Variants in ADK observed in about 807,000 individuals in gnomAD.
ADK encodes the protein N6,N6-dimethyladenosine kinase.
A neutral mutation model predicts 44.7 loss-of-function variants in ADK; 24 were observed. That is an observed-to-expected ratio of 0.54 (90% CI 0.39 to 0.76). The LOEUF is 0.76. Ranked by LOEUF, ADK falls within the 30% of genes least tolerant of loss-of-function variation. The pLI is 0.00. For missense variants in ADK, 321 were observed against 425.1 expected, an observed-to-expected ratio of 0.76 and a Z score of 2.15; for synonymous variants, 128 against 142.6, an observed-to-expected ratio of 0.90 and a Z score of 0.73.
At chr10:74,305,830 G>A (rs1840228575) in intron 3 of ADK, among the ~76,000 whole-genome samples, 1 of 152,078 alleles carries the variant, frequency 6.6e-6, no homozygotes, top group African/African-American at 2.4e-5. Context: ...GGACTGAAGT[G>A]ATCGTCCTGC....
At chr10:74,686,864 G>A (rs1363007191) in intron 10 of ADK, among the ~76,000 whole-genome samples, 1 of 151,884 alleles carries the variant, frequency 6.6e-6, no homozygotes, top group East Asian at 1.9e-4. Context: ...TTTTAGTAGA[G>A]ACAGGGTTTC....
chr10:74,274,712 G>A (rs1308928233), intron 3 of ADK, among the ~76,000 whole-genome samples: 1 of 102,508 alleles, frequency 9.8e-6, no homozygotes, highest in Non-Finnish European at 2.1e-5. Context: ...GTGATTAGTA[G>A]GAGAAAAATT....
chr10:74,411,902 A>G (rs953371030), intron 6 of ADK, among the ~76,000 whole-genome samples: 2 of 152,220 alleles, frequency 1.3e-5, no homozygotes, highest in Non-Finnish European at 2.9e-5. Context: ...CAGCATTCAT[A>G]GCGTGTTCAC....
intron 9 of ADK, among the ~76,000 whole-genome samples, chr10:74,616,874 CTT>C (rs1469202706): frequency 3.9e-5 from 6 of 151,972 alleles, no homozygotes; most frequent in Non-Finnish European, 8.8e-5. Context: ...TTTATGCAGT[CTT>C]TAATTTTTCT....
At position 74,655,005 on chromosome 10, in the gene ADK, G is replaced by A. The variant is rs753749751; in HGVS notation, c.878-15178G>A. On this transcript the variant is annotated intron_variant, in intron 9 of 10. Transcript: ENST00000539909. ...GAACCCAGCACTCTGCAAGGGCCCC[G>A]ACCCCTCCTGACTGGGGCCCAGGAG... 3.7e-5 allele frequency: 7 copies of A among 190,612 alleles called. No homozygotes were observed. In the South Asian group the frequency reaches 4.8e-4, roughly 13 times the overall value. The allele number at this position is 190,612 out of a possible 1,614,324, so 11.8% of individuals were successfully genotyped here.
chr10:74,190,924 T>C (rs1591829002), intron 1 of ADK, among the ~76,000 whole-genome samples: 1 of 151,900 alleles, frequency 6.6e-6, no homozygotes, highest in South Asian at 2.1e-4. Flanking sequence ...AAATGCTCCT[T>C]GGATTGTTGC....
chr10:74,346,332 G>A (rs980966881), intron 4 of ADK, among the ~76,000 whole-genome samples: 3 of 150,668 alleles, frequency 2.0e-5, no homozygotes, highest in South Asian at 2.1e-4. Flanking sequence ...TGGCTATATC[G>A]ATCAGGGTTT....
chr10:74,371,001 C>A (rs1478162789), intron 4 of ADK, among the ~76,000 whole-genome samples: 1 of 152,144 alleles, frequency 6.6e-6, no homozygotes, highest in Non-Finnish European at 1.5e-5. Flanking sequence ...CTGTACTGAT[C>A]ATCTCCTGTG....
intron 4 of ADK, among the ~76,000 whole-genome samples, chr10:74,340,663 A>G (rs1458903215): frequency 1.3e-5 from 2 of 152,198 alleles, no homozygotes; most frequent in South Asian, 2.1e-4. Flanking sequence ...ATAAATAGAA[A>G]TTCAGTAAGA....
At chr10:74,491,189 T>A (rs1214153071) in intron 6 of ADK, among the ~76,000 whole-genome samples, 1 of 152,144 alleles carries the variant, frequency 6.6e-6, no homozygotes, top group African/African-American at 2.4e-5. Context: ...CAGTGTCTTA[T>A]AGGTGGAAGA....
intron 6 of ADK, among the ~76,000 whole-genome samples, chr10:74,403,601 G>T (rs185971394): frequency 6.6e-6 from 1 of 152,160 alleles, no homozygotes; most frequent in Admixed American, 6.5e-5. Flanking sequence ...TTGGAAAAGC[G>T]CAGTATTAGG....
At chr10:74,427,605 G>A (rs1469625515) in intron 6 of ADK, among the ~76,000 whole-genome samples, 1 of 152,164 alleles carries the variant, frequency 6.6e-6, no homozygotes, top group Admixed American at 6.5e-5. Context: ...ATAGACAGGA[G>A]GAAGACAGGT....
intron 10 of ADK, among the ~76,000 whole-genome samples, chr10:74,706,081 C>A (rs1191403532): frequency 6.6e-6 from 1 of 152,052 alleles, no homozygotes; most frequent in African/African-American, 2.4e-5. Context: ...TACATGTAAT[C>A]CCAGTGCTTT....
At chr10:74,279,313 G>A (rs1050548943) in intron 3 of ADK, among the ~76,000 whole-genome samples, 2 of 151,408 alleles carry the variant, frequency 1.3e-5, no homozygotes, top group Non-Finnish European at 2.9e-5. Context: ...ATTGAGGCCA[G>A]GTGCAGTGGC....
At chr10:74,430,225 G>A (rs1250179552) in intron 6 of ADK, among the ~76,000 whole-genome samples, 1 of 152,076 alleles carries the variant, frequency 6.6e-6, no homozygotes, top group South Asian at 2.1e-4. Context: ...GAGATCTCAT[G>A]TACTTTTTAC....
intron 6 of ADK, among the ~76,000 whole-genome samples, chr10:74,409,730 A>G (rs1592169270): frequency 6.6e-6 from 1 of 152,214 alleles, no homozygotes; most frequent in African/African-American, 2.4e-5. Flanking sequence ...TAAGGGAAGT[A>G]TGATTATAGG....
chr10:74,398,464 G>T lies in ADK; in HGVS notation c.447-7G>T, dbSNP rs759122074. On this transcript the variant is annotated splice_polypyrimidine_tract_variant and splice_region_variant and intron_variant, in intron 5 of 10. Coordinates refer to ENST00000539909, the MANE Select transcript of ADK (RefSeq NM_006721.4). ...AATATTACTTGCTTATTCTTTGGTT[G>T]TTTTAGGTCCCTCATAGCTAATCTT... The T allele has an allele frequency of 1.1e-5, 17 of 1,585,936 alleles. No individual in the cohort carries two copies. In the Admixed American group the frequency reaches 2.2e-4, roughly 20 times the overall value.
At chr10:74,444,630 T>C (rs1404830599) in intron 6 of ADK, among the ~76,000 whole-genome samples, 1 of 152,128 alleles carries the variant, frequency 6.6e-6, no homozygotes, top group East Asian at 1.9e-4. Flanking sequence ...ATCTTTCTTA[T>C]AAGTATAGTG....
intron 3 of ADK, among the ~76,000 whole-genome samples, chr10:74,275,150 C>A (rs946858585): frequency 6.6e-6 from 1 of 152,032 alleles, no homozygotes; most frequent in Non-Finnish European, 1.5e-5. Context: ...TCTTTCTGGG[C>A]AGTAATGATC....
Sources: allele counts gnomAD v4.1 joint callset (sites outside exome capture counted in the v4.1 genomes callset), GRCh38; gene constraint gnomAD v4.1.1; transcripts MANE v1.5; gene names NCBI Gene and HGNC (gene_info 2026-07-23, HGNC 2026-07-21).